Variants in LYRM4 observed in about 807,000 individuals in gnomAD.
LYRM4 encodes LYR motif-containing protein 4.
In LYRM4, 9 loss-of-function variants were observed where a neutral mutation model predicts 11.7. The ratio of observed to expected loss-of-function variants is 0.77; its 90% CI spans 0.46 to 1.34. The LOEUF is 1.34. Ranked by LOEUF, LYRM4 falls within the 40% of genes most tolerant of loss-of-function variation. LYRM4 has a pLI of 0.00. For synonymous variants in LYRM4, 42 were observed against 40.4 expected (o/e 1.04, Z -0.15); for missense variants, 133 against 112.5 (o/e 1.18, Z -0.82).
intron 1 of LYRM4, among the ~76,000 whole-genome samples, chr6:5,251,797 C>G (rs1219912696): frequency 6.6e-6 from 1 of 152,152 alleles, no homozygotes; most frequent in Non-Finnish European, 1.5e-5. Flanking sequence ...GAGGCAGTCA[C>G]TGTTAAAAGA....
At chr6:5,057,258 T>A in the LYRM4 span, among the ~76,000 whole-genome samples, 1 of 152,166 alleles carries the variant, frequency 6.6e-6, no homozygotes, top group Admixed American at 6.5e-5. Flanking sequence ...TCTCCTAGCC[T>A]GCTGTCATTG....
intron 2 of LYRM4, among the ~76,000 whole-genome samples, chr6:5,115,665 G>C (rs528631440): frequency 6.6e-6 from 1 of 152,202 alleles, no homozygotes; most frequent in African/African-American, 2.4e-5. Context: ...AAGAACTGGG[G>C]GGCAATCTGA....
At chr6:5,242,978 T>A (rs974792333) in intron 1 of LYRM4, among the ~76,000 whole-genome samples, 3 of 151,546 alleles carry the variant, frequency 2.0e-5, no homozygotes, top group African/African-American at 7.3e-5. Context: ...TTTCACCTTG[T>A]TAGCCAGGAT....
the LYRM4 span, among the ~76,000 whole-genome samples, chr6:5,041,366 C>T: frequency 3.9e-5 from 6 of 152,118 alleles, no homozygotes; most frequent in East Asian, 1.9e-4. Context: ...TTACATATTC[C>T]GTTTGGTTTT....
At chr6:5,074,348 CCT>C in the LYRM4 span, among the ~76,000 whole-genome samples, 1 of 149,834 alleles carries the variant, frequency 6.7e-6, no homozygotes, top group Non-Finnish European at 1.5e-5. Flanking sequence ...TTGTAAATTG[CCT>C]CTGACTGGCT....
intron 2 of LYRM4, among the ~76,000 whole-genome samples, chr6:5,141,822 G>A (rs994749711): frequency 3.3e-5 from 5 of 152,140 alleles, no homozygotes; most frequent in East Asian, 1.9e-4. Flanking sequence ...AAGAGAAAAC[G>A]TTAAAGTTTC....
the LYRM4 span, among the ~76,000 whole-genome samples, chr6:5,074,542 G>C: frequency 6.6e-6 from 1 of 151,546 alleles, no homozygotes; most frequent in Non-Finnish European, 1.5e-5. Context: ...AGAATTCTGA[G>C]TACAGCTTGA....
At chr6:5,060,892 A>C in the LYRM4 span, among the ~76,000 whole-genome samples, 9 of 152,300 alleles carry the variant, frequency 5.9e-5, no homozygotes, top group South Asian at 1.9e-3. Flanking sequence ...TGCCCACCCC[A>C]TAGCCAACTA....
At chr6:5,236,704 T>C (rs1361641756) in intron 1 of LYRM4, among the ~76,000 whole-genome samples, 1 of 151,846 alleles carries the variant, frequency 6.6e-6, no homozygotes, top group East Asian at 1.9e-4. Flanking sequence ...TCCCAGCATT[T>C]TGGGAGGCCA....
chr6:5,090,228 G>T, the LYRM4 span, among the ~76,000 whole-genome samples: 2 of 152,182 alleles, frequency 1.3e-5, no homozygotes, highest in African/African-American at 2.4e-5. The surrounding 1 kb of genome is among the most constrained non-coding windows in gnomAD (Gnocchi z 4.8). Context: ...ACCAGAGAGG[G>T]AGTCTAGTTT....
At chr6:5,243,621 C>CT (rs11379859) in intron 1 of LYRM4, among the ~76,000 whole-genome samples, 44,056 of 151,914 alleles carry the variant, frequency 0.29, 8,106 homozygotes, top group African/African-American at 0.53. Context: ...GTATATGAAG[C>CT]GTTTGAGAGA....
intron 2 of LYRM4, chr6:5,144,352 G>C: frequency 7.0e-7 from 1 of 1,433,858 alleles, no homozygotes; most frequent in Non-Finnish European, 9.5e-7. Flanking sequence ...AATATGTCAG[G>C]TGAGGCCGGG....
At chr6:5,130,832 G>C (rs1424721205) in intron 2 of LYRM4, among the ~76,000 whole-genome samples, 1 of 152,080 alleles carries the variant, frequency 6.6e-6, no homozygotes, top group Non-Finnish European at 1.5e-5. Flanking sequence ...TAAGGGCACA[G>C]AAAAGTAGAA....
intron 2 of LYRM4, among the ~76,000 whole-genome samples, chr6:5,162,033 A>G (rs1203004830): frequency 1.3e-5 from 2 of 152,174 alleles, no homozygotes; most frequent in East Asian, 3.8e-4. Context: ...AAAAAAGTGT[A>G]AAAAGAACTC....
At chr6:5,191,851 G>A (rs2127692308) in intron 2 of LYRM4, among the ~76,000 whole-genome samples, 1 of 152,130 alleles carries the variant, frequency 6.6e-6, no homozygotes, top group African/African-American at 2.4e-5. Context: ...TGACATTATG[G>A]GCCTCCTGAT....
chr6:5,070,214 G>C, the LYRM4 span, among the ~76,000 whole-genome samples: 1 of 152,262 alleles, frequency 6.6e-6, no homozygotes, highest in East Asian at 1.9e-4. Flanking sequence ...AGCCTCCAAA[G>C]CCAGACTCTA....
At chr6:5,223,628 C>T (rs928272424) in intron 1 of LYRM4, among the ~76,000 whole-genome samples, 9 of 152,194 alleles carry the variant, frequency 5.9e-5, no homozygotes, top group Non-Finnish European at 8.8e-5. Context: ...TTCAACTCTG[C>T]TTCAAGTGTT....
intron 1 of LYRM4, among the ~76,000 whole-genome samples, chr6:5,225,354 C>G (rs867807799): frequency 1.3e-5 from 2 of 151,940 alleles, no homozygotes; most frequent in Non-Finnish European, 2.9e-5. Flanking sequence ...CTTAAACAAC[C>G]AGTTCTCTCT....
At position 5,243,229 on chromosome 6, in the gene LYRM4, C is replaced by T. The variant is rs543644581; in HGVS notation, c.86+17419G>A. 1.2e-4 allele frequency among the ~76,000 whole-genome samples: 19 copies of T among 152,294 alleles called. No individual in the cohort carries two copies. The South Asian group carries it at 1.4e-3, about 12-fold the overall frequency. ...GTGCTTTCTTTTATTTGCAGTGCCC[C>T]GTCACCGAGTCAGACAGTCAGGACT... On this transcript the variant is annotated intron_variant, in intron 1 of 2. Transcript: ENST00000330636.
Sources: allele counts gnomAD v4.1 joint callset (sites outside exome capture counted in the v4.1 genomes callset), GRCh38; gene constraint gnomAD v4.1.1; non-coding constraint Gnocchi (gnomAD v3.1); transcripts MANE v1.5; gene names NCBI Gene and HGNC (gene_info 2026-07-23, HGNC 2026-07-21).